ADAM12: variants seen among roughly 807,000 people sequenced by gnomAD.
ADAM12 encodes the protein ADAM metallopeptidase domain 12.
In ADAM12, 70 loss-of-function variants were observed where a neutral mutation model predicts 106.4. The ratio of observed to expected loss-of-function variants is 0.66; its 90% CI spans 0.54 to 0.80. The LOEUF is 0.80. Among genes scored for constraint, ADAM12 ranks in the 30% least tolerant of loss-of-function variants. The probability of loss-of-function intolerance (pLI) is 0.00; values close to 1 mark genes in which losing one functional copy is unlikely to be tolerated. For synonymous variants in ADAM12, 420 were observed against 433.5 expected, an observed-to-expected ratio of 0.97 and a Z score of 0.39; for missense variants, 1,010 against 1,171.9, an observed-to-expected ratio of 0.86 and a Z score of 2.02.
Position 126,191,766 on chromosome 10 carries a change from A to G in ADAM12, c.261-36461T>C, listed in dbSNP as rs148695436. ...AAGCTCGAATTTAAATCTTGGCTCT[A>G]CTAATAACTAGCTCTATTAGTCCAC... is the stretch of plus-strand genomic sequence containing the variant. On this transcript the variant is annotated intron_variant, in intron 3 of 22. Coordinates refer to ENST00000448723, the MANE Select transcript of ADAM12 (RefSeq NM_001288973.2). 1.4e-3 allele frequency among the ~76,000 whole-genome samples: 214 copies of G among 152,326 alleles called. 5 individuals are homozygous for G. In the South Asian group the frequency reaches 0.027, roughly 19 times the overall value.
chr10:126,126,167 C>T (rs1370186337), intron 5 of ADAM12, among the ~76,000 whole-genome samples: 1 of 152,124 alleles, frequency 6.6e-6, no homozygotes, highest in Non-Finnish European at 1.5e-5. Context: ...CCAGTTGGGA[C>T]CTGGCTCCTG....
intron 2 of ADAM12, among the ~76,000 whole-genome samples, chr10:126,295,031 G>A (rs965942942): frequency 1.4e-4 from 21 of 152,002 alleles, no homozygotes; most frequent in Admixed American, 2.6e-4. Flanking sequence ...TTAAATGAAA[G>A]GTTTCCTTGC....
At chr10:126,097,370 C>T (rs1168523720) in intron 10 of ADAM12, among the ~76,000 whole-genome samples, 1 of 152,162 alleles carries the variant, frequency 6.6e-6, no homozygotes, top group Non-Finnish European at 1.5e-5. Flanking sequence ...GGGGGCAATC[C>T]CTCCACGCAG....
At chr10:126,047,727 C>A (rs1436329093) in intron 16 of ADAM12, among the ~76,000 whole-genome samples, 1 of 152,194 alleles carries the variant, frequency 6.6e-6, no homozygotes, top group Non-Finnish European at 1.5e-5. Context: ...TTGTGGAAAA[C>A]AGTGCAGTCG....
At position 126,279,714 on chromosome 10, in the gene ADAM12, C is replaced by T. The variant is rs7092290; in HGVS notation, c.187-726G>A. Among the ~76,000 whole-genome samples the T allele has an allele frequency of 7.8e-3, 1,172 of 150,850 alleles. 17 individuals are homozygous for T. The highest frequency in any genetic ancestry group is 0.027 in the African/African-American group (1,120 of 41,096). On this transcript the variant is annotated intron_variant, in intron 2 of 22. Coordinates refer to ENST00000448723, the MANE Select transcript of ADAM12 (RefSeq NM_001288973.2). ...TGCACTCCAGCCTGGGCAACAAGAG[C>T]GAAACTTCGTCTCAAAAAAACAAAA...
At position 126,043,654 on chromosome 10, in the gene ADAM12, GC is replaced by G. The variant is rs1954238451; in HGVS notation, c.1996-507del. On this transcript the variant is annotated intron_variant, in intron 17 of 22. Coordinates refer to ENST00000448723, the MANE Select transcript of ADAM12 (RefSeq NM_001288973.2). The surrounding 1 kb of genome is among the most constrained non-coding windows in gnomAD (Gnocchi z 4.1). ...CACGCCAGGCTGGGGTCCGAGGCAGGCCCCCCGTTTCCTGAGCAAAGGAATC... is the reference window on the plus strand; with the variant it reads ...CACGCCAGGCTGGGGTCCGAGGCAGGCCCCCGTTTCCTGAGCAAAGGAATC... Among the ~76,000 whole-genome samples, 1 of 152,154 alleles carries G rather than the reference GC, an allele frequency of 6.6e-6. No homozygotes were observed. The highest frequency in any genetic ancestry group is 2.1e-4 in the South Asian group (1 of 4,832).
At chr10:126,101,477 C>T (rs1421564567) in intron 8 of ADAM12, among the ~76,000 whole-genome samples, 2 of 152,154 alleles carry the variant, frequency 1.3e-5, no homozygotes, top group African/African-American at 4.8e-5. Context: ...AAGTTATCAG[C>T]TTTTTTACTG....
intron 2 of ADAM12, among the ~76,000 whole-genome samples, chr10:126,297,273 A>C (rs1410294383): frequency 6.6e-6 from 1 of 152,154 alleles, no homozygotes; most frequent in Non-Finnish European, 1.5e-5. Context: ...AAATGAAAAA[A>C]CATAAGCGCC....
intron 1 of ADAM12, among the ~76,000 whole-genome samples, chr10:126,341,992 C>A (rs1337586214): frequency 3.3e-5 from 5 of 152,120 alleles, no homozygotes; most frequent in Admixed American, 3.3e-4. Flanking sequence ...GATCTGAAAC[C>A]TCATGCGTTT....
At chr10:126,231,410 G>C (rs1472110519) in intron 3 of ADAM12, among the ~76,000 whole-genome samples, 1 of 149,948 alleles carries the variant, frequency 6.7e-6, no homozygotes, top group African/African-American at 2.4e-5. Flanking sequence ...AAAAGCACCA[G>C]CTATTGGGTC....
chr10:126,314,759 A>G (rs1433844509), intron 2 of ADAM12, among the ~76,000 whole-genome samples: 1 of 152,166 alleles, frequency 6.6e-6, no homozygotes, highest in Non-Finnish European at 1.5e-5. Flanking sequence ...GTTTAATCTG[A>G]AAACTCCTCA....
chr10:126,108,815 T>G, intron 7 of ADAM12, 151 bp from the exon 8 acceptor site: 1 of 707,720 alleles, frequency 1.4e-6, no homozygotes, highest in Non-Finnish European at 2.3e-6. Context: ...TCCTGCCGAC[T>G]AACTTTCCCG....
intron 4 of ADAM12, among the ~76,000 whole-genome samples, chr10:126,149,955 T>G (rs1956700373): frequency 6.6e-6 from 1 of 152,212 alleles, no homozygotes; most frequent in Non-Finnish European, 1.5e-5. Context: ...TCCTATTAGT[T>G]CTGTCCTTCA....
At position 126,016,121 on chromosome 10, in the gene ADAM12, T is replaced by C. The variant is rs934617448; in HGVS notation, c.*1158A>G. ...CAAGTTGGAAAAAGAGGATGCCCCA[T>C]AGAGAAGGTTCTTTGTCCAATATCT... On this transcript the variant is annotated 3_prime_UTR_variant, in exon 23 of 23. Coordinates refer to ENST00000448723, the MANE Select transcript of ADAM12 (RefSeq NM_001288973.2). 6.6e-6 allele frequency: 1 copy of C among 152,172 alleles called. No homozygotes were observed. Among genetic ancestry groups the C allele is most frequent in the Admixed American group, 6.5e-5 (1 of 15,274 alleles). 9.4% of individuals were successfully genotyped at this position (152,172 alleles called of 1,614,324 possible). A position where few individuals can be genotyped will look rare whatever the true frequency, so the allele number is the denominator to read the frequency against.
chr10:126,325,437 G>T (rs1854266466), intron 2 of ADAM12, among the ~76,000 whole-genome samples: 1 of 152,220 alleles, frequency 6.6e-6, no homozygotes, highest in Non-Finnish European at 1.5e-5. Flanking sequence ...GGGGAGAGCA[G>T]GGCTCCGTTT....
intron 3 of ADAM12, among the ~76,000 whole-genome samples, chr10:126,170,448 G>C (rs1429583461): frequency 6.6e-6 from 1 of 151,850 alleles, no homozygotes; most frequent in African/African-American, 2.4e-5. Flanking sequence ...AGAGGGCGGG[G>C]GGGGAGTCCC....
intron 1 of ADAM12, among the ~76,000 whole-genome samples, chr10:126,350,081 G>C (rs1456323621): frequency 1.3e-5 from 2 of 152,068 alleles, no homozygotes; most frequent in Non-Finnish European, 2.9e-5. Flanking sequence ...CTTGTCACTG[G>C]CCGGCCAATG....
In ADAM12 at chr10:126,206,876, G is replaced by C. The variant is rs575407169; in HGVS notation, c.261-51571C>G. On this transcript the variant is annotated intron_variant, in intron 3 of 22. Coordinates refer to ENST00000448723, the MANE Select transcript of ADAM12 (RefSeq NM_001288973.2). ...TTGTGGGGGCGGGGGGGAGCCAGTGGGAGGTAATTGAATCATGGGGGCAGA... is the reference window on the plus strand; with the variant it reads ...TTGTGGGGGCGGGGGGGAGCCAGTGCGAGGTAATTGAATCATGGGGGCAGA... Among the ~76,000 whole-genome samples, 34 of 147,534 alleles carry C rather than the reference G, an allele frequency of 2.3e-4. 2 individuals are homozygous for C. The highest frequency in any genetic ancestry group is 7.9e-4 in the African/African-American group (32 of 40,540).
chr10:126,296,112 C>T (rs2133790001), intron 2 of ADAM12, among the ~76,000 whole-genome samples: 1 of 152,266 alleles, frequency 6.6e-6, no homozygotes, highest in African/African-American at 2.4e-5. Flanking sequence ...TGCACCAAAA[C>T]ATTTTTTAAA....
Sources: gnomAD v4.1 joint callset for allele counts (sites outside exome capture counted in the v4.1 genomes callset) on GRCh38, gnomAD v4.1.1 for gene constraint, Gnocchi (gnomAD v3.1) non-coding constraint, MANE v1.5 for transcripts, NCBI Gene and HGNC (gene_info 2026-07-23, HGNC 2026-07-21) for gene names.